Variants in HK1 observed in about 807,000 individuals in gnomAD.
HK1 encodes hexokinase-1.
HK1 carries 28 observed loss-of-function variants against 91.6 expected under a neutral mutation model. The ratio of observed to expected loss-of-function variants is 0.31; its 90% CI spans 0.23 to 0.42. The LOEUF (loss-of-function observed/expected upper bound fraction) is 0.42. Ranked by LOEUF, HK1 falls within the 10% of genes least tolerant of loss-of-function variation. The pLI, the probability that HK1 is intolerant of heterozygous loss-of-function variation, is 1.00. For synonymous variants in HK1, 430 were observed against 468.1 expected (o/e 0.92, Z 1.05); for missense variants, 770 against 1,219.8 (o/e 0.63, Z 5.49).
At chr10:69,394,661 G>A (rs1052414108) in intron 15 of HK1, among the ~76,000 whole-genome samples, 1 of 152,134 alleles carries the variant, frequency 6.6e-6, no homozygotes, top group African/African-American at 2.4e-5. Flanking sequence ...ACAGGCTCTC[G>A]GGGAAGTGAC....
chr10:69,283,737 T>A (rs1315761631), intron 2 of HK1, among the ~76,000 whole-genome samples: 1 of 132,348 alleles, frequency 7.6e-6, no homozygotes, highest in Non-Finnish European at 1.5e-5. Context: ...GAGGTTGCAA[T>A]GAGCCAAGTT....
chr10:69,318,902 G>A lies in HK1; in HGVS notation c.-46G>A, dbSNP rs767778432. ...ACCACGGCTCGCCAGGGCTGCGGAGGACCGACCGTCCCCACGCCTGCCGCC... is the reference window on the plus strand; with the variant it reads ...ACCACGGCTCGCCAGGGCTGCGGAGAACCGACCGTCCCCACGCCTGCCGCC... On this transcript the variant is annotated 5_prime_UTR_variant, in exon 1 of 18. Transcript: ENST00000359426. 5 of 1,553,594 alleles carry A rather than the reference G, an allele frequency of 3.2e-6. No homozygotes were observed. In the African/African-American group the frequency reaches 5.5e-5, roughly 17 times the overall value.
At position 69,401,483 on chromosome 10, in the gene HK1, C is replaced by G. The variant is rs1169955085; in HGVS notation, c.*348C>G. 2 of 381,624 alleles carry G rather than the reference C, an allele frequency of 5.2e-6. No homozygotes were observed. The highest frequency in any genetic ancestry group is 4.2e-5 in the African/African-American group (2 of 47,880). 23.6% of individuals were successfully genotyped at this position (381,624 alleles called of 1,614,324 possible). On this transcript the variant is annotated 3_prime_UTR_variant, in exon 18 of 18. Coordinates refer to ENST00000359426, the MANE Select transcript of HK1 (RefSeq NM_000188.3). ...ATGGAAAATCACACCACCTGACAGG[C>G]CTTCTGGGCCTCCAAAGCCCATCCT...
At chr10:69,308,925 G>T (rs1056596478) in intron 5 of HK1, among the ~76,000 whole-genome samples, 2 of 152,140 alleles carry the variant, frequency 1.3e-5, no homozygotes, top group Admixed American at 1.3e-4. Flanking sequence ...CTCACCTCCT[G>T]CTGTGAAGCT....
intron 1 of HK1, among the ~76,000 whole-genome samples, chr10:69,325,957 C>A (rs369976340): frequency 6.6e-5 from 10 of 151,854 alleles, no homozygotes; most frequent in African/African-American, 2.4e-4. Context: ...GCCTCAGCCT[C>A]CCTAGTAGCT....
upstream of HK1, among the ~76,000 whole-genome samples, chr10:69,312,891 CT>C: frequency 6.6e-6 from 1 of 152,284 alleles, no homozygotes; most frequent in East Asian, 1.9e-4. Context: ...ATTCAAAATA[CT>C]CTTTACACAA....
At chr10:69,388,831 T>G (rs946560997) in intron 13 of HK1, among the ~76,000 whole-genome samples, 2 of 152,244 alleles carry the variant, frequency 1.3e-5, no homozygotes, top group African/African-American at 4.8e-5. Context: ...GGACAGATTC[T>G]GAGCAGTGAG....
intron 15 of HK1, among the ~76,000 whole-genome samples, 161 bp from the exon 16 acceptor site, chr10:69,394,789 T>C (rs1433591095): frequency 6.6e-6 from 1 of 152,088 alleles, no homozygotes; most frequent in African/African-American, 2.4e-5. Flanking sequence ...TCCTTCCTGG[T>C]CCTCCCACTC....
upstream of HK1, among the ~76,000 whole-genome samples, chr10:69,313,557 G>C (rs1288046154): frequency 1.3e-5 from 2 of 152,272 alleles, no homozygotes; most frequent in East Asian, 3.9e-4. Context: ...CTGCCTCCCG[G>C]GTTCAAGCGA....
intron 9 of HK1, 127 bp from the exon 10 acceptor site, chr10:69,382,360 G>A (rs1839430609): frequency 2.0e-6 from 2 of 1,014,842 alleles, no homozygotes; most frequent in South Asian, 1.3e-5. Flanking sequence ...GGGTGACAGA[G>A]CAAGACCCTG....
chr10:69,323,365 T>A (rs1330080246), intron 1 of HK1, among the ~76,000 whole-genome samples: 11 of 151,070 alleles, frequency 7.3e-5, no homozygotes, highest in Non-Finnish European at 1.0e-4. Context: ...TAAAAAAAAA[T>A]TTTTTTTAGC....
intron 1 of HK1, among the ~76,000 whole-genome samples, chr10:69,328,661 C>G (rs1333051761): frequency 6.6e-6 from 1 of 152,138 alleles, no homozygotes; most frequent in Non-Finnish European, 1.5e-5. Context: ...ATTCACCTAC[C>G]ATGAAACGCA....
intron 4 of HK1, 32 bp downstream of exon 4, chr10:69,364,934 A>C (rs1849623067): frequency 2.5e-6 from 4 of 1,613,680 alleles, no homozygotes; most frequent in Admixed American, 1.7e-5. Context: ...CGGGCTCTGC[A>C]GATGCCCCGG....
Position 69,299,726 on chromosome 10 carries a change from A to G in HK1, c.-66-1043A>G, listed in dbSNP as rs573262078. 6.7e-5 allele frequency among the ~76,000 whole-genome samples: 10 copies of G among 150,056 alleles called. No homozygotes were observed. The South Asian group carries it at 1.5e-3, about 22-fold the overall frequency. ...GCCTGGGCTGGAGTGCAGTGGCGCA[A>G]TCTCGGCTCACTGCAACCTCTGGCT... On this transcript the variant is annotated intron_variant, in intron 4 of 21. Coordinates refer to the HK1 transcript ENST00000360289.
chr10:69,273,276 C>T lies in HK1; in HGVS notation c.-391+3168C>T, dbSNP rs180991781. ...TGTAACACAGGCTGGAGTGCAGTGGCGTGATCTTGGCTAACTGCAGGCTCC... is the reference window on the plus strand; with the variant it reads ...TGTAACACAGGCTGGAGTGCAGTGGTGTGATCTTGGCTAACTGCAGGCTCC... On this transcript the variant is annotated intron_variant, in intron 1 of 21. Transcript: ENST00000360289. Among the ~76,000 whole-genome samples the T allele has an allele frequency of 1.2e-4, 18 of 152,056 alleles. 1 individual carries two copies. The highest frequency in any genetic ancestry group is 3.1e-4 in the African/African-American group (13 of 41,480).
chr10:69,343,795 C>G (rs1469730998), intron 1 of HK1, 32 bp from the exon 2 acceptor site: 3 of 1,574,822 alleles, frequency 1.9e-6, no homozygotes, highest in East Asian at 2.2e-5. Context: ...TCCCCCTCGA[C>G]CTCACTCTCC....
intron 13 of HK1, among the ~76,000 whole-genome samples, chr10:69,388,489 C>G (rs1839749863): frequency 1.3e-5 from 2 of 152,082 alleles, no homozygotes; most frequent in Non-Finnish European, 2.9e-5. Flanking sequence ...TTGCCTGCTT[C>G]ACAACTATTA....
intron 3 of HK1, among the ~76,000 whole-genome samples, chr10:69,291,209 G>A (rs981500151): frequency 7.2e-5 from 11 of 152,214 alleles, no homozygotes; most frequent in African/African-American, 2.7e-4. Context: ...TGTCACAGGC[G>A]CCATGTGGCA....
intron 1 of HK1, among the ~76,000 whole-genome samples, chr10:69,320,067 G>A (rs2132569562): frequency 1.3e-5 from 2 of 152,234 alleles, no homozygotes; most frequent in East Asian, 3.9e-4. Context: ...TTTCTGCCCG[G>A]CAAGCCATAG....
Sources: gnomAD v4.1 joint callset for allele counts (sites outside exome capture counted in the v4.1 genomes callset) on GRCh38, gnomAD v4.1.1 for gene constraint, MANE v1.5 for transcripts, NCBI Gene and HGNC (gene_info 2026-07-23, HGNC 2026-07-21) for gene names.